The following PCDHGA2 variants were observed in gnomAD, a reference collection of about 807,000 sequenced individuals.
The protein encoded by PCDHGA2 is protocadherin gamma-A2.
In PCDHGA2, 40 loss-of-function variants were observed where a neutral mutation model predicts 59.2. The observed-to-expected ratio is 0.68, with a 90% CI of 0.52 to 0.88. The LOEUF (loss-of-function observed/expected upper bound fraction) is 0.88. PCDHGA2 is among the 40% of genes least tolerant of loss of function. PCDHGA2 has a pLI of 0.00. For missense variants in PCDHGA2, 1,226 were observed against 1,204.0 expected (o/e 1.02, Z -0.27); for synonymous variants, 560 against 526.0 (o/e 1.06, Z -0.89).
At chr5:141,348,853 A>G (rs1758193469) in intron 1 of PCDHGA2, among the ~76,000 whole-genome samples, 1 of 152,130 alleles carries the variant, frequency 6.6e-6, no homozygotes, top group Non-Finnish European at 1.5e-5. Flanking sequence ...AGCACTGCAA[A>G]ATAGTAGAAT....
chr5:141,491,409 G>C lies in PCDHGA2; in HGVS notation c.2425-3398G>C, dbSNP rs2099711927. 6.2e-7 allele frequency: 1 copy of C among 1,614,000 alleles called. No homozygotes were observed. Among genetic ancestry groups the C allele is most frequent in the Non-Finnish European group, 8.5e-7 (1 of 1,180,022 alleles). The stretch of plus-strand genomic sequence containing the variant: ...AGTGCCTTCAGGGAAACGCAGACGG[G>C]GACGGGGGTGGAGGGCAGTGCTGCA... On this transcript the variant is annotated intron_variant, in intron 1 of 3. Coordinates refer to ENST00000394576, the MANE Select transcript of PCDHGA2 (RefSeq NM_018915.4). This position sits in a 1 kb window ranked among gnomAD's most constrained non-coding sequence, Gnocchi z 6.9.
At chr5:141,370,760 G>C (rs773157241) in intron 1 of PCDHGA2, 3 of 1,613,980 alleles carry the variant, frequency 1.9e-6, no homozygotes, top group Non-Finnish European at 8.5e-7. Context: ...TAACTGTGCT[G>C]ATCCAGGATA....
chr5:141,484,333 A>T (rs1019527273), intron 1 of PCDHGA2, among the ~76,000 whole-genome samples: 2 of 152,198 alleles, frequency 1.3e-5, no homozygotes, highest in Non-Finnish European at 2.9e-5. Flanking sequence ...CCTTGAAATC[A>T]ATGAATGGTA....
At position 141,360,454 on chromosome 5, in the gene PCDHGA2, G is replaced by A. The variant is rs150944400; in HGVS notation, c.2424+19059G>A. On this transcript the variant is annotated intron_variant, in intron 1 of 3. Coordinates refer to ENST00000394576, the MANE Select transcript of PCDHGA2 (RefSeq NM_018915.4). ...GCAGCCTCTGTGTGTTCTGGATTTCGATACTGTCGCTGAAAATCCACTAAA... is the reference window on the plus strand; with the variant it reads ...GCAGCCTCTGTGTGTTCTGGATTTCAATACTGTCGCTGAAAATCCACTAAA... The A allele has an allele frequency of 5.0e-4, 804 of 1,613,904 alleles. 3 individuals carry two copies. The African/African-American group carries it at 8.7e-3, about 18-fold the overall frequency.
rs566565641 is a variant in PCDHGA2, at chr5:141,367,114, T to C, written c.2424+25719T>C. The C allele has an allele frequency of 8.2e-5, 18 of 220,652 alleles. 1 individual carries two copies. Among genetic ancestry groups the C allele is most frequent in the Non-Finnish European group, 1.4e-4 (16 of 111,388 alleles). 13.7% of individuals were successfully genotyped at this position (220,652 alleles called of 1,614,324 possible). A position where few individuals can be genotyped will look rare whatever the true frequency, so the allele number is the denominator to read the frequency against. ...CTTTTGAGTGTCTGCCTAGACACCA[T>C]TAGTGAATGTGTTTTGGAAAGGATA... On this transcript the variant is annotated intron_variant, in intron 1 of 3. Coordinates refer to ENST00000394576, the MANE Select transcript of PCDHGA2 (RefSeq NM_018915.4).
At chr5:141,372,809 G>C (rs1484993556) in intron 1 of PCDHGA2, 5 of 1,587,612 alleles carry the variant, frequency 3.1e-6, no homozygotes, top group Non-Finnish European at 4.3e-6. Context: ...ATTTGCAAAA[G>C]GTGAGTTTCT....
intron 1 of PCDHGA2, chr5:141,404,668 T>C: frequency 6.2e-7 from 1 of 1,614,148 alleles, no homozygotes; most frequent in Non-Finnish European, 8.5e-7. Flanking sequence ...CTGATGGTTC[T>C]ACTGGTGTGG....
At chr5:141,370,333 C>T in intron 1 of PCDHGA2, 1 of 1,435,660 alleles carries the variant, frequency 7.0e-7, no homozygotes, top group Non-Finnish European at 9.4e-7. Flanking sequence ...TCGGAGAACT[C>T]TTGGGATTAT....
chr5:141,480,273 G>A (rs2099516030), intron 1 of PCDHGA2, among the ~76,000 whole-genome samples: 1 of 151,956 alleles, frequency 6.6e-6, no homozygotes, highest in Non-Finnish European at 1.5e-5. Flanking sequence ...TCATTAGCTG[G>A]GTGTGTTGGC....
At chr5:141,415,083 G>T (rs747351388) in intron 1 of PCDHGA2, 1 of 1,613,514 alleles carries the variant, frequency 6.2e-7, no homozygotes. Context: ...CGCGAGCCCT[G>T]CTGGACAGAG....
Position 141,339,924 on chromosome 5 carries a change from A to C in PCDHGA2, c.953A>C (p.Asp318Ala), listed in dbSNP as rs1756890138. ...DYEDATFHEI[D>A]IEAQDGPGLL... Reference sequence around the variant, plus strand: ...GAGGATGCTACATTCCATGAAATTGATATTGAAGCTCAGGATGGTCCGGGC... The same window carrying C: ...GAGGATGCTACATTCCATGAAATTGCTATTGAAGCTCAGGATGGTCCGGGC... Residue 318 changes from aspartate to alanine, a missense_variant, in exon 1 of 4, where the codon GAT becomes GCT. Transcript: ENST00000394576. 2.5e-6 allele frequency: 4 copies of C among 1,614,148 alleles called. No homozygotes were observed. The highest frequency in any genetic ancestry group is 3.4e-6 in the Non-Finnish European group (4 of 1,179,994).
chr5:141,353,168 G>A (rs1162754774), intron 1 of PCDHGA2, among the ~76,000 whole-genome samples: 1 of 151,906 alleles, frequency 6.6e-6, no homozygotes, highest in Non-Finnish European at 1.5e-5. Context: ...TTTACTGTTG[G>A]CATTTCTGTA....
Position 141,511,030 on chromosome 5 carries a change from C to A in PCDHGA2, c.2656C>A (p.Gln886Lys). 9 of 1,614,224 alleles carry A rather than the reference C, an allele frequency of 5.6e-6. No individual in the cohort carries two copies. Among genetic ancestry groups the A allele is most frequent in the Non-Finnish European group, 7.6e-6 (9 of 1,180,032 alleles). Residue 886 changes from glutamine (Q) to lysine (K), a missense_variant, in exon 4 of 4, where the codon CAG (glutamine) becomes AAG (lysine). Transcript: ENST00000394576. ...SARYGPQFTLQHVPDYRQNVY... is the reference protein window; with the variant it reads ...SARYGPQFTLKHVPDYRQNVY... ...CCGCTACGGACCCCAGTTCACCCTGCAGCACGTGCCCGACTACCGCCAGAA... is the reference window on the plus strand; with the variant it reads ...CCGCTACGGACCCCAGTTCACCCTGAAGCACGTGCCCGACTACCGCCAGAA...
intron 1 of PCDHGA2, chr5:141,404,984 C>T (rs779919758): frequency 6.2e-7 from 1 of 1,614,034 alleles, no homozygotes; most frequent in African/African-American, 1.3e-5. Context: ...CCTGGGCAGT[C>T]TTCAGATCCC....
intron 1 of PCDHGA2, chr5:141,372,751 C>A (rs775212888): frequency 3.7e-6 from 6 of 1,613,192 alleles, no homozygotes; most frequent in Non-Finnish European, 4.2e-6. Flanking sequence ...GATGAAGCCT[C>A]TTGGTTTGAA....
In PCDHGA2 at chr5:141,487,259, T is replaced by A. The variant is rs2099641960; in HGVS notation, c.2425-7548T>A. 1.9e-6 allele frequency: 3 copies of A among 1,614,014 alleles called. No individual in the cohort carries two copies. The highest frequency in any genetic ancestry group is 1.3e-5 in the African/African-American group (1 of 74,926). ...TCGTCTAACCCTCTACTTGGCTGTGTCCCTAGTGGCAATTTGCTTTGTCTC... is the reference window on the plus strand; with the variant it reads ...TCGTCTAACCCTCTACTTGGCTGTGACCCTAGTGGCAATTTGCTTTGTCTC... On this transcript the variant is annotated intron_variant, in intron 1 of 3. Coordinates refer to ENST00000394576, the MANE Select transcript of PCDHGA2 (RefSeq NM_018915.4). The surrounding 1 kb of genome is among the most constrained non-coding windows in gnomAD (Gnocchi z 5.0).
At chr5:141,393,322 A>C (rs780040037) in intron 1 of PCDHGA2, 21 of 1,611,334 alleles carry the variant, frequency 1.3e-5, no homozygotes, top group Middle Eastern at 1.6e-4. Context: ...CTCCAGAGCT[A>C]CCAGCTCAGC....
chr5:141,491,641 C>T lies in PCDHGA2; in HGVS notation c.2425-3166C>T. Reference sequence around the variant, plus strand: ...CCTCAGCGTTCAGCAGCCCACAGCTCTGGCGCTGGAGCCTGACGCCATCCG... The same window carrying T: ...CCTCAGCGTTCAGCAGCCCACAGCTTTGGCGCTGGAGCCTGACGCCATCCG... On this transcript the variant is annotated intron_variant, in intron 1 of 3. Coordinates refer to ENST00000394576, the MANE Select transcript of PCDHGA2 (RefSeq NM_018915.4). The surrounding 1 kb of genome is among the most constrained non-coding windows in gnomAD (Gnocchi z 6.9). The T allele has an allele frequency of 6.2e-7, 1 of 1,613,896 alleles. No homozygotes were observed. Among genetic ancestry groups the T allele is most frequent in the Non-Finnish European group, 8.5e-7 (1 of 1,180,018 alleles).
chr5:141,475,616 G>A (rs2099366026), intron 1 of PCDHGA2, among the ~76,000 whole-genome samples: 1 of 152,206 alleles, frequency 6.6e-6, no homozygotes, highest in Admixed American at 6.5e-5. Flanking sequence ...GTAGTTTTCG[G>A]TTTGGTTCGA....
Sources: gnomAD v4.1 joint callset for allele counts (sites outside exome capture counted in the v4.1 genomes callset) on GRCh38, gnomAD v4.1.1 for gene constraint, Gnocchi (gnomAD v3.1) non-coding constraint, MANE v1.5 for transcripts, NCBI Gene and HGNC (gene_info 2026-07-23, HGNC 2026-07-21) for gene names.